PRDM10: variants seen among roughly 807,000 people sequenced by gnomAD.
PRDM10 encodes PR domain zinc finger protein 10.
Under a neutral mutation model 133.1 loss-of-function variants are expected in PRDM10, and 65 were observed. That is an observed-to-expected ratio of 0.49 (90% confidence interval 0.40 to 0.60). PRDM10 has a LOEUF of 0.60. Among genes scored for constraint, PRDM10 ranks in the 20% least tolerant of loss-of-function variants. PRDM10 has a pLI of 0.00. For synonymous variants in PRDM10, 582 were observed against 580.4 expected (o/e 1.00, Z -0.04); for missense variants, 1,137 against 1,507.1 (o/e 0.75, Z 4.07).
intron 19 of PRDM10, among the ~76,000 whole-genome samples, chr11:129,906,873 G>A (rs751904649): frequency 3.8e-4 from 58 of 152,152 alleles, no homozygotes; most frequent in Middle Eastern, 3.4e-3. Context: ...AGCTACTCAG[G>A]AGTCTGAGGC....
At position 129,919,558 on chromosome 11, in the gene PRDM10, T is replaced by C. The variant is rs188016928; in HGVS notation, c.2035-840A>G. 4.4e-3 allele frequency among the ~76,000 whole-genome samples: 668 copies of C among 152,332 alleles called. 3 individuals carry two copies. Among genetic ancestry groups the C allele is most frequent in the African/African-American group, 0.015 (640 of 41,584 alleles). Reference sequence around the variant, plus strand: ...AGCATGGGGCCCAGGGCTCAGCTCCTGGTTTCACTATTTAGTGACACATGC... The same window carrying C: ...AGCATGGGGCCCAGGGCTCAGCTCCCGGTTTCACTATTTAGTGACACATGC... On this transcript the variant is annotated intron_variant, in intron 13 of 20. Coordinates refer to ENST00000360871, the MANE Select transcript of PRDM10 (RefSeq NM_199437.2).
rs199649951 is a variant in PRDM10 at position 129,914,970 on chromosome 11, G to C, written c.2575C>G (p.Leu859Val). ...IRKKHPEFAQ[L>V]SNTIHTPLTT... ...AGTGGTGTGTGTATGGTGTTGGAGA[G>C]CTGGGCGAACTCTGGATGCTTCTTT... The change falls in exon 17 of 21, where the codon CTC becomes GTC. Residue 859 changes from leucine to valine, a missense_variant. By Grantham distance (32) the Leu-to-Val change is conservative (BLOSUM62 1). Transcript: ENST00000360871. 2 of 1,610,216 alleles carry C rather than the reference G, an allele frequency of 1.2e-6. No homozygotes were observed. Among genetic ancestry groups the C allele is most frequent in the Non-Finnish European group, 8.5e-7 (1 of 1,176,598 alleles).
At chr11:129,929,444 G>C (rs1441465575) in intron 11 of PRDM10, 3 of 1,552,284 alleles carry the variant, frequency 1.9e-6, no homozygotes, top group South Asian at 1.2e-5. Flanking sequence ...CATTAGAGGA[G>C]AGAAAAATAG....
In PRDM10 at chr11:129,934,294, C is replaced by A. The variant is rs76581653; in HGVS notation, c.1157+807G>T. ...CCAAGTGGGCATTTAATAGAGTGGG[C>A]AATTGTATGGTACTTCCCTAGAACA... On this transcript the variant is annotated intron_variant, in intron 9 of 20. Transcript: ENST00000360871. Among the ~76,000 whole-genome samples the A allele has an allele frequency of 2.4e-3, 371 of 152,324 alleles. 1 individual carries two copies. The highest frequency in any genetic ancestry group is 8.1e-3 in the African/African-American group (338 of 41,560).
chr11:129,910,158 T>C (rs142222713), intron 19 of PRDM10, among the ~76,000 whole-genome samples: 2 of 152,360 alleles, frequency 1.3e-5, no homozygotes, highest in East Asian at 1.9e-4. Flanking sequence ...CAGCGATTGA[T>C]AGACAGGCAT....
chr11:129,957,666 C>T, intron 3 of PRDM10, 80 bp downstream of exon 3: 2 of 1,517,858 alleles, frequency 1.3e-6, no homozygotes, highest in Non-Finnish European at 1.8e-6. Flanking sequence ...GTACCTAGCA[C>T]AATGACTGAC....
intron 9 of PRDM10, among the ~76,000 whole-genome samples, chr11:129,934,089 C>T (rs1950953983): frequency 6.6e-6 from 1 of 152,222 alleles, no homozygotes. Flanking sequence ...TGCGTGCTCT[C>T]AGTTCCCATC....
At chr11:130,000,981 C>T (rs1048878941) in intron 1 of PRDM10, among the ~76,000 whole-genome samples, 4 of 152,130 alleles carry the variant, frequency 2.6e-5, no homozygotes, top group African/African-American at 7.2e-5. Context: ...GTGGTGCACG[C>T]CTGTAGTCCC....
chr11:129,921,924 A>G (rs55812513), intron 13 of PRDM10, among the ~76,000 whole-genome samples: 12,694 of 152,218 alleles, frequency 0.083, 588 homozygotes, highest in Admixed American at 0.13. Flanking sequence ...TTCACAGACC[A>G]CACCAGCTCT....
intron 1 of PRDM10, among the ~76,000 whole-genome samples, chr11:129,995,761 C>T (rs757977608): frequency 5.3e-5 from 8 of 152,110 alleles, no homozygotes; most frequent in Non-Finnish European, 1.0e-4. Context: ...GCCTGGCCAA[C>T]ATGATGAAAC....
intron 1 of PRDM10, among the ~76,000 whole-genome samples, chr11:129,988,860 ACCTCGTGATCCGCCCGCCTTGG>A (rs113822078): frequency 0.039 from 5,930 of 151,508 alleles, 346 homozygotes; most frequent in African/African-American, 0.13. Context: ...CGATCTCCTG[ACCTCGTGATCCGCCCGCCTTGG>A]CCTCCCAAAG....
At chr11:129,931,821 G>A (rs1950877848) in intron 10 of PRDM10, among the ~76,000 whole-genome samples, 2 of 152,080 alleles carry the variant, frequency 1.3e-5, no homozygotes, top group African/African-American at 4.8e-5. Context: ...GCCCACCTCG[G>A]CCTCCCAAAG....
intron 20 of PRDM10, among the ~76,000 whole-genome samples, chr11:129,904,956 C>T (rs756078498): frequency 3.3e-5 from 5 of 152,168 alleles, no homozygotes; most frequent in Non-Finnish European, 5.9e-5. Context: ...TTTTCACTTT[C>T]GGGTGGATGA....
intron 4 of PRDM10, among the ~76,000 whole-genome samples, chr11:129,950,921 C>T (rs972831251): frequency 4.6e-5 from 7 of 152,170 alleles, no homozygotes; most frequent in East Asian, 1.9e-4. Flanking sequence ...CAAGATAAAA[C>T]CGGCCTTCAC....
At chr11:129,990,608 A>G (rs1437748383) in intron 1 of PRDM10, among the ~76,000 whole-genome samples, 1 of 151,834 alleles carries the variant, frequency 6.6e-6, no homozygotes, top group African/African-American at 2.4e-5. Flanking sequence ...CTCCCTATAA[A>G]CACGTTAATG....
intron 1 of PRDM10, among the ~76,000 whole-genome samples, chr11:130,000,296 G>A (rs1020760980): frequency 1.3e-5 from 2 of 151,942 alleles, no homozygotes; most frequent in Non-Finnish European, 2.9e-5. Flanking sequence ...TGCCCGCCTC[G>A]CCTCCCAAAG....
intron 1 of PRDM10, among the ~76,000 whole-genome samples, chr11:129,999,011 CAG>C (rs1228474666): frequency 2.6e-5 from 4 of 151,918 alleles, no homozygotes; most frequent in African/African-American, 7.2e-5. Flanking sequence ...TTAGTAGAGG[CAG>C]AGTTTTGCTA....
intron 11 of PRDM10, chr11:129,929,325 G>A (rs1950777713): frequency 1.5e-6 from 2 of 1,324,874 alleles, no homozygotes; most frequent in Admixed American, 2.9e-5. Flanking sequence ...TTTCCACCAG[G>A]ATTTAGTAAG....
intron 1 of PRDM10, among the ~76,000 whole-genome samples, chr11:129,967,343 G>T (rs1565500588): frequency 6.6e-6 from 1 of 152,034 alleles, no homozygotes; most frequent in African/African-American, 2.4e-5. Flanking sequence ...GTGAGCTGAG[G>T]TTGCGCCACT....
Sources: gnomAD v4.1 joint callset for allele counts (sites outside exome capture counted in the v4.1 genomes callset) on GRCh38, gnomAD v4.1.1 for gene constraint, MANE v1.5 for transcripts, NCBI Gene and HGNC (gene_info 2026-07-23, HGNC 2026-07-21) for gene names.